Variants in TSC2 observed in about 807,000 individuals in gnomAD.
The protein encoded by TSC2 is tuberin.
Under a neutral mutation model 202.2 loss-of-function variants are expected in TSC2, and 29 were observed. That is an observed-to-expected ratio of 0.14 (90% confidence interval 0.11 to 0.20). The LOEUF (loss-of-function observed/expected upper bound fraction) is 0.20. Ranked by LOEUF, TSC2 falls within the 10% of genes least tolerant of loss-of-function variation. The probability of loss-of-function intolerance (pLI) is 1.00; values close to 1 mark genes in which losing one functional copy is unlikely to be tolerated. For missense variants in TSC2, 2,429 were observed against 2,420.0 expected (o/e 1.00, Z -0.08); for synonymous variants, 1,349 against 1,044.0 (o/e 1.29, Z -5.63).
At chr16:2,054,130 G>A (rs1455863803) in intron 4 of TSC2, 166 bp from the exon 5 acceptor site, 1 of 1,117,432 alleles carries the variant, frequency 8.9e-7, no homozygotes. Context: ...CCGGCCCCCT[G>A]CCCTGTACAA....
At chr16:2,081,302 G>A in intron 30 of TSC2, 2 of 476,042 alleles carry the variant, frequency 4.2e-6, no homozygotes, top group South Asian at 2.0e-5. Flanking sequence ...GCTGAGGGGT[G>A]CAAAGAGTAG....
intron 16 of TSC2, among the ~76,000 whole-genome samples, chr16:2,067,582 C>G (rs59142752): frequency 5.3e-5 from 8 of 151,940 alleles, no homozygotes; most frequent in Non-Finnish European, 1.0e-4. Context: ...ACCAGCCTGA[C>G]CAACATGGAG....
rs561362333 is a variant in TSC2, at chr16:2,061,715, G to A, written c.1120-156G>A. The stretch of plus-strand genomic sequence containing the variant: ...TGTCTCAACCCATGAGGCCCGGAGC[G>A]GCCTCAGAGGGCTGGGGGCGTCTGT... On this transcript the variant is annotated intron_variant, in intron 11 of 41. Coordinates refer to ENST00000219476, the MANE Select transcript of TSC2 (RefSeq NM_000548.5). The A allele has an allele frequency of 1.6e-4, 206 of 1,258,776 alleles. 3 individuals are homozygous for A. The East Asian group carries it at 4.4e-3, about 27-fold the overall frequency. The allele number at this position is 1,258,776 out of a possible 1,614,324, so 78.0% of individuals were successfully genotyped here. A position where few individuals can be genotyped will look rare whatever the true frequency, so the allele number is the denominator to read the frequency against.
At chr16:2,053,261 C>T (rs993121705) in intron 3 of TSC2, 81 bp from the exon 4 acceptor site, 19 of 1,402,288 alleles carry the variant, frequency 1.4e-5, no homozygotes, top group South Asian at 3.7e-5. Flanking sequence ...CCCTGTCCTC[C>T]GCTCACGGCA....
chr16:2,086,688 T>A (rs1262951127), intron 37 of TSC2, 44 bp from the exon 38 acceptor site: 2 of 1,604,300 alleles, frequency 1.2e-6, no homozygotes, highest in East Asian at 4.5e-5. Flanking sequence ...ACAGAGGGCC[T>A]CAGCACTGGC....
rs45469392 is a variant in TSC2 at position 2,084,546 on chromosome 16, G to A, written c.4324G>A (p.Glu1442Lys). 3.5e-5 allele frequency: 57 copies of A among 1,609,062 alleles called. No homozygotes were observed. Among genetic ancestry groups the A allele is most frequent in the Non-Finnish European group, 4.7e-5 (55 of 1,179,456 alleles). The part of the protein sequence containing the change: ...ASGEDSRGQP[E>K]GPLPSSSPRS... ...GGGCGAAGACAGTCGGGGCCAGCCC[G>A]AGGGTCCCTTGCCTTCCAGCTCCCC... The change falls in exon 34 of 42, where the codon GAG becomes AAG. Residue 1442 changes from glutamate to lysine, a missense_variant. Physicochemically the swap from Glu to Lys is moderately conservative, Grantham distance 56. Transcript: ENST00000219476.
At chr16:2,082,359 G>A (rs562381858) in intron 31 of TSC2, 77 bp from the exon 32 acceptor site, 25 of 1,533,772 alleles carry the variant, frequency 1.6e-5, no homozygotes, top group South Asian at 1.1e-4. Flanking sequence ...CTGCAGGCAC[G>A]GGGCCTGTGC....
At chr16:2,048,809 G>C (rs2084700346) in intron 2 of TSC2, 56 bp downstream of exon 2, 5 of 1,612,264 alleles carry the variant, frequency 3.1e-6, no homozygotes, top group Non-Finnish European at 4.2e-6. Context: ...AGAAGGCTGG[G>C]TTTGGTCTTG....
rs901890865 is a variant in TSC2, at chr16:2,087,966, T to C, written c.5068+25T>C. 5 of 1,612,356 alleles carry C rather than the reference T, an allele frequency of 3.1e-6. No homozygotes were observed. The African/African-American group carries it at 5.3e-5, about 17-fold the overall frequency. On this transcript the variant is annotated intron_variant, in intron 39 of 41. Coordinates refer to ENST00000219476, the MANE Select transcript of TSC2 (RefSeq NM_000548.5). Reference sequence around the variant, plus strand: ...GGTAGGGCCGGGTGGGGCCCTGCAGTGCAGGAAAGGTAGGGCCGGGTGGGG... The same window carrying C: ...GGTAGGGCCGGGTGGGGCCCTGCAGCGCAGGAAAGGTAGGGCCGGGTGGGG...
rs1156870913 is a variant in TSC2 at position 2,070,589 on chromosome 16, T to C, written c.1839+11T>C. The C allele has an allele frequency of 1.2e-6, 2 of 1,612,914 alleles. No homozygotes were observed. The highest frequency in any genetic ancestry group is 2.2e-5 in the East Asian group (1 of 44,886). ...AGCATCCGGCTGCAGGTATGGTGGC[T>C]GGGGTTGCGCAGCCAGTTCCTGGGG... On this transcript the variant is annotated intron_variant, in intron 17 of 41. Transcript: ENST00000219476.
At chr16:2,082,589 C>G in intron 32 of TSC2, 85 bp downstream of exon 32, 3 of 1,474,394 alleles carry the variant, frequency 2.0e-6, no homozygotes, top group Admixed American at 1.7e-5. Context: ...TCCGCCCACC[C>G]CCATGGTCCG....
intron 11 of TSC2, 93 bp from the exon 12 acceptor site, chr16:2,061,771 CTGAGGGT>C: frequency 6.3e-7 from 1 of 1,598,042 alleles, no homozygotes; most frequent in Non-Finnish European, 8.6e-7. Context: ...CCTGAGAGGG[CTGAGGGT>C]GTCTCCATGC....
intron 21 of TSC2, among the ~76,000 whole-genome samples, chr16:2,073,671 G>A (rs1409249286): frequency 1.3e-5 from 2 of 152,244 alleles, no homozygotes; most frequent in Admixed American, 6.5e-5. Context: ...GGTCCTCATG[G>A]GTCTTGCCTC....
Position 2,072,659 on chromosome 16 carries a change from C to T in TSC2, c.2221-190C>T. On this transcript the variant is annotated intron_variant, in intron 20 of 41. Coordinates refer to ENST00000219476, the MANE Select transcript of TSC2 (RefSeq NM_000548.5). ...GCTCCCGTGCCGTTCACCTCACATT[C>T]CTGGTGTGTTACTTGGCAGGCACTC... 3.2e-6 allele frequency: 3 copies of T among 946,054 alleles called. No homozygotes were observed. In the South Asian group the frequency reaches 4.7e-5, roughly 15 times the overall value. 58.6% of individuals were successfully genotyped at this position (946,054 alleles called of 1,614,324 possible). A position where few individuals can be genotyped will look rare whatever the true frequency, so the allele number is the denominator to read the frequency against.
At chr16:2,087,493 G>C (rs1038414364) in intron 38 of TSC2, among the ~76,000 whole-genome samples, 10 of 151,960 alleles carry the variant, frequency 6.6e-5, no homozygotes, top group African/African-American at 2.2e-4. Context: ...GTTGGGGGGG[G>C]GGGGGCACCT....
Position 2,053,450 on chromosome 16 carries a change from C to G in TSC2, c.334C>G (p.Gln112Glu), listed in dbSNP as rs397515308. ...LALLKAIVQG[Q>E]GERLGVLRAL... ...TCTGCTGAAGGCCATCGTGCAGGGG[C>G]AGGTAAGGCCCAGGGCGACGCTGGG... Residue 112 changes from glutamine to glutamate, a missense_variant and splice_region_variant, in exon 4 of 42, where the codon CAG becomes GAG. Transcript: ENST00000219476. The G allele has an allele frequency of 5.7e-6, 9 of 1,569,390 alleles. No individual in the cohort carries two copies. Among genetic ancestry groups the G allele is most frequent in the African/African-American group, 1.4e-5 (1 of 73,906 alleles).
chr16:2,064,585 A>AC, intron 15 of TSC2, 158 bp downstream of exon 15: 2 of 1,072,990 alleles, frequency 1.9e-6, no homozygotes, highest in Non-Finnish European at 2.7e-6. Flanking sequence ...AGGCCTGTGC[A>AC]GGGCCTGCCA....
rs1048263269 is a variant in TSC2, at chr16:2,048,904, C to T, written c.138+151C>T. The T allele has an allele frequency of 3.6e-6, 4 of 1,122,168 alleles. No homozygotes were observed. In the African/African-American group the frequency reaches 6.2e-5, roughly 17 times the overall value. 69.5% of individuals were successfully genotyped at this position (1,122,168 alleles called of 1,614,324 possible). ...GTACTTGGAGGCCGACATGTCCTTCCTCAGGAGACTTCGAAAGTCAGGATC... is the reference window on the plus strand; with the variant it reads ...GTACTTGGAGGCCGACATGTCCTTCTTCAGGAGACTTCGAAAGTCAGGATC... On this transcript the variant is annotated intron_variant, in intron 2 of 41. Coordinates refer to ENST00000219476, the MANE Select transcript of TSC2 (RefSeq NM_000548.5).
chr16:2,060,940 T>G, intron 11 of TSC2, 127 bp downstream of exon 11: 1 of 1,252,728 alleles, frequency 8.0e-7, no homozygotes. Context: ...CCGTGTTCTC[T>G]GGTGATTCGC....
Sources: allele counts gnomAD v4.1 joint callset (sites outside exome capture counted in the v4.1 genomes callset), GRCh38; gene constraint gnomAD v4.1.1; transcripts MANE v1.5; gene names NCBI Gene and HGNC (gene_info 2026-07-23, HGNC 2026-07-21).